PRPF39: variants seen among roughly 807,000 people sequenced by gnomAD.
PRPF39 encodes pre-mRNA processing factor 39, also known as pre-mRNA-processing factor 39.
A neutral mutation model predicts 82.1 loss-of-function variants in PRPF39; 27 were observed. That is an observed-to-expected ratio of 0.33 (90% CI 0.24 to 0.45). PRPF39 has a LOEUF of 0.45. PRPF39 is among the 20% of genes least tolerant of loss of function. The pLI is 1.00. For synonymous variants in PRPF39, 261 were observed against 256.4 expected (o/e 1.02, Z -0.17); for missense variants, 581 against 796.9 (o/e 0.73, Z 3.26).
chr14:45,114,568 A>T lies in PRPF39; in HGVS notation c.1907A>T (p.Asp636Val). Reference protein sequence around the residue: ...TSSSTQMIDGDLQANQAVYNY... With the variant: ...TSSSTQMIDGVLQANQAVYNY... Reference sequence around the variant, plus strand: ...TCATCTACACAGATGATTGATGGTGATTTACAGGCAAACCAAGCTGTATAT... The same window carrying T: ...TCATCTACACAGATGATTGATGGTGTTTTACAGGCAAACCAAGCTGTATAT... Residue 636 changes from aspartate to valine, a missense_variant, in exon 13 of 14, where the codon GAT becomes GTT. Asp to Val is a radical substitution (Grantham distance 152). Transcript: ENST00000355765. 2 of 1,609,202 alleles carry T rather than the reference A, an allele frequency of 1.2e-6. No homozygotes were observed. Among genetic ancestry groups the T allele is most frequent in the Non-Finnish European group, 1.7e-6 (2 of 1,178,282 alleles).
Position 45,114,256 on chromosome 14 carries a change from G to C in PRPF39, c.1831G>C (p.Gly611Arg), listed in dbSNP as rs752525634. The change falls in exon 12 of 14, where the codon GGA (glycine) becomes CGA (arginine). Residue 611 changes from glycine to arginine, a missense_variant and splice_region_variant. Transcript: ENST00000355765. ...TTCTTTAAAAAGGAAAGCAGAAAATGGGTATGTCACTTTTTGCTAAGTCAA... is the reference window on the plus strand; with the variant it reads ...TTCTTTAAAAAGGAAAGCAGAAAATCGGTATGTCACTTTTTGCTAAGTCAA... ...QDSLKRKAEN[G>R]SEEPEEKKAH... 6.3e-7 allele frequency: 1 copy of C among 1,589,400 alleles called. No individual in the cohort carries two copies.
At chr14:45,097,765 TTATC>T (rs1884246602) in intron 4 of PRPF39, among the ~76,000 whole-genome samples, 1 of 152,238 alleles carries the variant, frequency 6.6e-6, no homozygotes, top group African/African-American at 2.4e-5. Context: ...TTCTATTACA[TTATC>T]TTTTTCTTGA....
At chr14:45,094,330 T>G (rs1022723803) in intron 1 of PRPF39, among the ~76,000 whole-genome samples, 1 of 152,228 alleles carries the variant, frequency 6.6e-6, no homozygotes, top group Non-Finnish European at 1.5e-5. Context: ...GCTTATTACC[T>G]TATAGCCTTA....
chr14:45,114,207 T>G lies in PRPF39; in HGVS notation c.1782T>G (p.His594Gln). ...VNKLLNAYDE[H>Q]QTLLKEQDSL... ...GGCTTCTGAATGCTTATGATGAACA[T>G]CAAACACTCCTGAAAGAACAGGATT... is the stretch of plus-strand genomic sequence containing the variant. Residue 594 changes from histidine to glutamine, a missense_variant, in exon 12 of 14, where the codon CAT becomes CAG. Physicochemically the swap from His to Gln is conservative, Grantham distance 24. Transcript: ENST00000355765. 5.6e-6 allele frequency: 9 copies of G among 1,602,054 alleles called. No homozygotes were observed. The highest frequency in any genetic ancestry group is 7.7e-6 in the Non-Finnish European group (9 of 1,172,042).
intron 1 of PRPF39, among the ~76,000 whole-genome samples, chr14:45,091,458 G>A (rs960915082): frequency 6.6e-6 from 1 of 152,164 alleles, no homozygotes. Flanking sequence ...ATTTTGAAAT[G>A]ATGGAAATGT....
chr14:45,094,822 C>G (rs377354367), intron 1 of PRPF39, among the ~76,000 whole-genome samples: 1 of 152,180 alleles, frequency 6.6e-6, no homozygotes, highest in South Asian at 2.1e-4. Flanking sequence ...GCCTCCAGAA[C>G]AGTTGTTAAA....
chr14:45,087,634 C>T (rs530468516), intron 1 of PRPF39, among the ~76,000 whole-genome samples: 37 of 151,170 alleles, frequency 2.4e-4, no homozygotes, highest in South Asian at 1.7e-3. Flanking sequence ...AGTGCAGTGG[C>T]GCTATCTCGG....
chr14:45,089,538 G>A (rs951221594), intron 1 of PRPF39, among the ~76,000 whole-genome samples: 1 of 152,092 alleles, frequency 6.6e-6, no homozygotes, highest in Non-Finnish European at 1.5e-5. Flanking sequence ...GCACGATCAC[G>A]ACTCACTGCA....
In PRPF39 at chr14:45,110,682, G is replaced by C. The variant is rs767948473; in HGVS notation, c.1437G>C (p.Gln479His). The C allele has an allele frequency of 1.9e-6, 3 of 1,576,008 alleles. No individual in the cohort carries two copies. The highest frequency in any genetic ancestry group is 2.6e-6 in the Non-Finnish European group (3 of 1,159,510). ...GNLEEAEHLL[Q>H]DAIKNAKSNN... ...TGGAAGAAGCTGAACATTTGCTTCA[G>C]GATGCCATTAAGAATGCCAAATCAA... Residue 479 changes from glutamine (Q) to histidine (H), a missense_variant, in exon 10 of 14, where the codon CAG becomes CAC. Gln to His is a conservative substitution (Grantham distance 24). Transcript: ENST00000355765. This position sits in a 1 kb window ranked among gnomAD's most constrained non-coding sequence, Gnocchi z 4.0.
chr14:45,112,421 GTTCA>G lies in PRPF39; in HGVS notation c.1679_1682del (p.Ser560TyrfsTer5). The stretch of plus-strand genomic sequence containing the variant: ...AATTGTTTTGACAAAGCTGTACATG[GTTCA>G]TTACCTATTAAAATGAGAATTACAT... On this transcript the variant is annotated frameshift_variant, in exon 11 of 14. Coordinates refer to ENST00000355765, the MANE Select transcript of PRPF39 (RefSeq NM_017922.4). LOFTEE classifies it high-confidence loss of function. 1 of 1,554,982 alleles carries G rather than the reference GTTCA, an allele frequency of 6.4e-7. No individual in the cohort carries two copies. Among genetic ancestry groups the G allele is most frequent in the Non-Finnish European group, 8.6e-7 (1 of 1,159,616 alleles).
At chr14:45,108,010 A>G (rs1021328884) in intron 6 of PRPF39, among the ~76,000 whole-genome samples, 1 of 152,162 alleles carries the variant, frequency 6.6e-6, no homozygotes, top group Non-Finnish European at 1.5e-5. Context: ...GATCACTTAT[A>G]TAACTGGCCA....
In PRPF39 at chr14:45,102,646, T is replaced by C; in HGVS notation, c.687T>C (p.Tyr229=). The change falls in exon 5 of 14, where the codon TAT becomes TAC. Residue 229 remains tyrosine (Y), a synonymous_variant. Transcript: ENST00000355765. Reference sequence around the variant, plus strand: ...ACCTGAGAGAAGTTACAGCTATATATGATCGTATTCTTGGTATTCCAACAC... The same window carrying C: ...ACCTGAGAGAAGTTACAGCTATATACGATCGTATTCTTGGTATTCCAACAC... The part of the protein sequence containing the change: ...QGNLREVTAI[Y]DRILGIPTQL... The C allele has an allele frequency of 6.2e-7, 1 of 1,611,712 alleles. No homozygotes were observed. The highest frequency in any genetic ancestry group is 8.5e-7 in the Non-Finnish European group (1 of 1,178,808).
At chr14:45,113,978 C>G (rs1033782873) in intron 11 of PRPF39, among the ~76,000 whole-genome samples, 12 of 152,098 alleles carry the variant, frequency 7.9e-5, no homozygotes, top group Non-Finnish European at 1.5e-4. Context: ...ATCGGAGATT[C>G]AACACAAGTG....
chr14:45,101,027 T>G (rs370772849), intron 4 of PRPF39, among the ~76,000 whole-genome samples: 1 of 152,220 alleles, frequency 6.6e-6, no homozygotes, highest in South Asian at 2.1e-4. Context: ...CACCAAATAC[T>G]CACACACATT....
At chr14:45,113,048 T>C (rs1276086208) in intron 11 of PRPF39, among the ~76,000 whole-genome samples, 1 of 152,210 alleles carries the variant, frequency 6.6e-6, no homozygotes, top group East Asian at 1.9e-4. Flanking sequence ...AGTACAAATA[T>C]TGGCTAGAGC....
At chr14:45,086,755 A>AT (rs975318465) in intron 1 of PRPF39, among the ~76,000 whole-genome samples, 5 of 149,412 alleles carry the variant, frequency 3.3e-5, no homozygotes, top group Admixed American at 6.7e-5. Context: ...ACCCAATTTA[A>AT]TTTTTTTTTC....
intron 7 of PRPF39, 104 bp from the exon 8 acceptor site, chr14:45,109,512 T>G: frequency 1.1e-6 from 1 of 947,118 alleles, no homozygotes; most frequent in African/African-American, 1.7e-5. Flanking sequence ...GATTAAAAAT[T>G]TTAATCATCA....
At chr14:45,103,660 A>G (rs1180742822) in intron 5 of PRPF39, among the ~76,000 whole-genome samples, 1 of 152,144 alleles carries the variant, frequency 6.6e-6, no homozygotes, top group Non-Finnish European at 1.5e-5. Flanking sequence ...TCTGCTCTTG[A>G]TGAAATAGAG....
intron 1 of PRPF39, among the ~76,000 whole-genome samples, chr14:45,084,988 TACTC>T (rs1271965348): frequency 6.6e-6 from 1 of 152,210 alleles, no homozygotes; most frequent in Non-Finnish European, 1.5e-5. Context: ...TTTCGTTTGA[TACTC>T]ATATGGCCTT....
Sources: allele counts gnomAD v4.1 joint callset (sites outside exome capture counted in the v4.1 genomes callset), GRCh38; gene constraint gnomAD v4.1.1; non-coding constraint Gnocchi (gnomAD v3.1); transcripts MANE v1.5; gene names NCBI Gene and HGNC (gene_info 2026-07-23, HGNC 2026-07-21).